The following EPB41L5 variants were observed in gnomAD, a reference collection of about 807,000 sequenced individuals.
EPB41L5 encodes erythrocyte membrane protein band 4.1 like 5, also known as band 4.1-like protein 5.
In EPB41L5, 55 loss-of-function variants were observed where a neutral mutation model predicts 106.6. That is an observed-to-expected ratio of 0.52 (90% CI 0.42 to 0.65). The LOEUF is 0.65. Among genes scored for constraint, EPB41L5 ranks in the 30% least tolerant of loss-of-function variants. The pLI is 0.00. For synonymous variants in EPB41L5, 297 were observed against 306.7 expected (o/e 0.97, Z 0.33); for missense variants, 871 against 882.1 (o/e 0.99, Z 0.16).
intron 2 of EPB41L5, among the ~76,000 whole-genome samples, chr2:120,027,051 A>G (rs1429839119): frequency 2.6e-5 from 4 of 152,238 alleles, no homozygotes; most frequent in African/African-American, 9.6e-5. Context: ...AAAGTCAGAT[A>G]ATATTAAGTG....
intron 20 of EPB41L5, among the ~76,000 whole-genome samples, chr2:120,156,571 C>T (rs143821761): frequency 1.1e-3 from 163 of 152,306 alleles, no homozygotes; most frequent in African/African-American, 3.8e-3. Context: ...GCAGTCACAA[C>T]CTTGGCAAGC....
At chr2:120,142,132 A>C (rs1309309616) in intron 18 of EPB41L5, among the ~76,000 whole-genome samples, 5 of 133,918 alleles carry the variant, frequency 3.7e-5, no homozygotes, top group Non-Finnish European at 5.0e-5. Context: ...AAAAAAAAAA[A>C]AACAAGGTAA....
At chr2:120,087,334 T>C in intron 11 of EPB41L5, 94 bp downstream of exon 11, 1 of 738,690 alleles carries the variant, frequency 1.4e-6, no homozygotes, top group Non-Finnish European at 2.3e-6. Flanking sequence ...CTCATTGTTT[T>C]AAAGAGCCAC....
rs907021433 is a variant in EPB41L5 at position 120,040,558 on chromosome 2, T to G, written c.181-1448T>G. 3.9e-5 allele frequency among the ~76,000 whole-genome samples: 6 copies of G among 152,274 alleles called. No homozygotes were observed. In the East Asian group the frequency reaches 5.8e-4, roughly 15 times the overall value. On this transcript the variant is annotated intron_variant, in intron 2 of 24. Coordinates refer to ENST00000263713, the MANE Select transcript of EPB41L5 (RefSeq NM_020909.4). ...CATACAAAAGCCACATGGGAAACAT[T>G]TTTGGAGAAAGAACTCAAATGAGTA...
At chr2:120,084,323 G>A (rs1249043670) in intron 10 of EPB41L5, among the ~76,000 whole-genome samples, 26 of 152,116 alleles carry the variant, frequency 1.7e-4, no homozygotes, top group Admixed American at 1.6e-3. Context: ...ATGCCTCGTG[G>A]TGACAAAATC....
chr2:120,102,312 G>A (rs975084045), intron 16 of EPB41L5, among the ~76,000 whole-genome samples: 2 of 152,062 alleles, frequency 1.3e-5, no homozygotes, highest in African/African-American at 4.8e-5. Context: ...AAATTTTAAG[G>A]AAAATGAAAA....
intron 14 of EPB41L5, among the ~76,000 whole-genome samples, chr2:120,096,771 T>C (rs944822120): frequency 6.6e-6 from 1 of 152,138 alleles, no homozygotes; most frequent in Admixed American, 6.5e-5. Flanking sequence ...GCCCGGGTGA[T>C]AGAGCAAGAC....
intron 16 of EPB41L5, among the ~76,000 whole-genome samples, chr2:120,124,016 A>T (rs570407568): frequency 5.9e-5 from 9 of 152,074 alleles, no homozygotes; most frequent in African/African-American, 2.2e-4. Flanking sequence ...ACATTGAGGG[A>T]TGAAGAATAA....
Position 120,018,100 on chromosome 2 carries a change from A to G in EPB41L5, c.-8-977A>G, listed in dbSNP as rs1214027533. Among the ~76,000 whole-genome samples the G allele has an allele frequency of 2.6e-5, 4 of 151,668 alleles. No homozygotes were observed. In the East Asian group the frequency reaches 7.7e-4, roughly 29 times the overall value. ...CCTCAGCCTCCCGGTAGCTGGGACT[A>G]CAGGCGCCTGCTACCACGCCCGGCT... is the stretch of plus-strand genomic sequence containing the variant. On this transcript the variant is annotated intron_variant, in intron 1 of 24. Transcript: ENST00000263713.
chr2:120,028,961 A>G (rs2105161235), intron 2 of EPB41L5, among the ~76,000 whole-genome samples: 1 of 152,056 alleles, frequency 6.6e-6, no homozygotes, highest in African/African-American at 2.4e-5. Flanking sequence ...TATTTTTTGG[A>G]CCTCTTACAG....
At chr2:120,082,750 T>A (rs1302148922) in intron 10 of EPB41L5, among the ~76,000 whole-genome samples, 4 of 152,218 alleles carry the variant, frequency 2.6e-5, no homozygotes, top group Non-Finnish European at 5.9e-5. Flanking sequence ...TTTTTTTGGT[T>A]GGTAGACTAT....
intron 16 of EPB41L5, among the ~76,000 whole-genome samples, chr2:120,121,388 C>T (rs769488996): frequency 2.6e-5 from 4 of 152,010 alleles, no homozygotes; most frequent in Non-Finnish European, 4.4e-5. Flanking sequence ...GTGTGGTGTT[C>T]CCTGCCTTGT....
At chr2:120,140,231 T>G (rs1009544834) in intron 18 of EPB41L5, among the ~76,000 whole-genome samples, 2 of 152,084 alleles carry the variant, frequency 1.3e-5, no homozygotes, top group African/African-American at 4.8e-5. Flanking sequence ...GGGTAAGAGA[T>G]AGCATTTGAT....
chr2:120,084,711 G>C (rs1289570484), intron 10 of EPB41L5, among the ~76,000 whole-genome samples: 4 of 152,176 alleles, frequency 2.6e-5, no homozygotes, highest in African/African-American at 9.7e-5. Context: ...ATAATATCCT[G>C]CAGAGTGTTT....
rs189411498 is a variant in EPB41L5 at position 120,043,136 on chromosome 2, A to G, written c.285+1026A>G. 8.1e-4 allele frequency among the ~76,000 whole-genome samples: 123 copies of G among 151,566 alleles called. 1 individual carries two copies. Among genetic ancestry groups the G allele is most frequent in the Middle Eastern group, 6.8e-3 (2 of 294 alleles). On this transcript the variant is annotated intron_variant, in intron 3 of 24. Coordinates refer to ENST00000263713, the MANE Select transcript of EPB41L5 (RefSeq NM_020909.4). ...TTTTAGCTGTCATTTTTTCATGACA[A>G]CCCTTCCCATCATGCCTCCAAATTA...
intron 11 of EPB41L5, among the ~76,000 whole-genome samples, chr2:120,087,503 T>C (rs903894609): frequency 6.6e-6 from 1 of 152,128 alleles, no homozygotes; most frequent in Non-Finnish European, 1.5e-5. Context: ...AAATTACATT[T>C]AAGTGAGCCA....
chr2:120,127,710 C>A lies in EPB41L5; in HGVS notation c.1360C>A (p.Leu454Met). ...RKCIPLNIDL[L>M]NSPDLLEATI... ...CAGCATTCCTCTGAATATTGATTTGCTGAATAGCCCAGACTTATTGGAAGC... is the reference window on the plus strand; with the variant it reads ...CAGCATTCCTCTGAATATTGATTTGATGAATAGCCCAGACTTATTGGAAGC... Residue 454 changes from leucine (L) to methionine (M), a missense_variant, in exon 17 of 25, where the codon CTG becomes ATG. Leu to Met is a conservative substitution (Grantham distance 15, BLOSUM62 2). Transcript: ENST00000263713. 6.2e-7 allele frequency: 1 copy of A among 1,605,108 alleles called. No homozygotes were observed. The highest frequency in any genetic ancestry group is 1.7e-5 in the Admixed American group (1 of 59,538).
At chr2:120,163,793 A>T (rs916730196) in intron 21 of EPB41L5, among the ~76,000 whole-genome samples, 7 of 146,080 alleles carry the variant, frequency 4.8e-5, no homozygotes, top group African/African-American at 1.3e-4. Flanking sequence ...CTGTCTCTAT[A>T]AAAAAAAAAT....
At chr2:120,169,935 G>A (rs867488864) in intron 24 of EPB41L5, among the ~76,000 whole-genome samples, 1 of 152,180 alleles carries the variant, frequency 6.6e-6, no homozygotes, top group Non-Finnish European at 1.5e-5. Flanking sequence ...TGGGGCAACT[G>A]AAACTCTGTA....
Sources: allele counts gnomAD v4.1 joint callset (sites outside exome capture counted in the v4.1 genomes callset), GRCh38; gene constraint gnomAD v4.1.1; transcripts MANE v1.5; gene names NCBI Gene and HGNC (gene_info 2026-07-23, HGNC 2026-07-21).